Variants in TRIM5 observed in about 807,000 individuals in gnomAD.
TRIM5 encodes tripartite motif-containing protein 5.
A neutral mutation model predicts 35.6 loss-of-function variants in TRIM5; 31 were observed. That is an observed-to-expected ratio of 0.87 (90% CI 0.65 to 1.18). TRIM5 has a LOEUF of 1.18. Among genes scored for constraint, TRIM5 ranks in the 50% most tolerant of loss-of-function variants. The pLI is 0.00. For missense variants in TRIM5, 609 were observed against 591.6 expected (o/e 1.03, Z -0.31); for synonymous variants, 243 against 215.6 (o/e 1.13, Z -1.11).
the TRIM5 span, among the ~76,000 whole-genome samples, chr11:5,636,718 A>T: frequency 1.3e-5 from 2 of 152,214 alleles, no homozygotes; most frequent in African/African-American, 4.8e-5. Context: ...ATATTGGTAG[A>T]TCAAAAATTA....
chr11:5,605,126 A>T, the TRIM5 span: 1 of 636,104 alleles, frequency 1.6e-6, no homozygotes, highest in African/African-American at 1.8e-5. Context: ...GGCCTAGATA[A>T]AGCAGCCCGG....
At chr11:5,627,935 T>C in the TRIM5 span, among the ~76,000 whole-genome samples, 1 of 152,204 alleles carries the variant, frequency 6.6e-6, no homozygotes, top group Non-Finnish European at 1.5e-5. Flanking sequence ...ATCCAGATGT[T>C]AGGAGTCCAG....
chr11:5,645,883 A>G, the TRIM5 span: 3 of 156,032 alleles, frequency 1.9e-5, no homozygotes, highest in East Asian at 1.9e-4. Context: ...AAAAAAAAAT[A>G]TATATATATA....
At chr11:5,592,931 GAAAAAAGA>G in the TRIM5 span, among the ~76,000 whole-genome samples, 3 of 112,456 alleles carry the variant, frequency 2.7e-5, no homozygotes, top group Non-Finnish European at 5.2e-5. Context: ...AAAAAAAAAA[GAAAAAAGA>G]AAAAGAAAAA....
the TRIM5 span, among the ~76,000 whole-genome samples, chr11:5,641,985 G>A: frequency 6.6e-6 from 1 of 152,118 alleles, no homozygotes; most frequent in Non-Finnish European, 1.5e-5. Flanking sequence ...ATCACAGTCA[G>A]GATCTACAGC....
the TRIM5 span, chr11:5,611,295 C>A: frequency 1.2e-4 from 191 of 1,614,128 alleles, 3 homozygotes; most frequent in East Asian, 1.5e-3. Context: ...ATATTTTAAT[C>A]CTTGCAACTG....
chr11:5,657,694 T>C, the TRIM5 span, among the ~76,000 whole-genome samples: 1 of 130,374 alleles, frequency 7.7e-6, no homozygotes, highest in Non-Finnish European at 1.6e-5. Flanking sequence ...ATATTTATAA[T>C]ATAATATATA....
the TRIM5 span, among the ~76,000 whole-genome samples, chr11:5,630,998 G>A: frequency 1.9e-3 from 286 of 152,250 alleles, 3 homozygotes; most frequent in African/African-American, 6.3e-3. Context: ...GAACTTCATC[G>A]CTCCTAAATG....
At chr11:5,625,184 C>T in the TRIM5 span, 2 of 152,244 alleles carry the variant, frequency 1.3e-5, no homozygotes, top group African/African-American at 4.8e-5. Context: ...CAAAGGCTAG[C>T]TTGCAGGCTT....
the TRIM5 span, among the ~76,000 whole-genome samples, chr11:5,605,906 T>C: frequency 1.3e-5 from 2 of 152,220 alleles, no homozygotes; most frequent in Non-Finnish European, 2.9e-5. Context: ...CTTTGCTGCG[T>C]GGGGTTCTCC....
chr11:5,661,253 T>C (rs993811480), downstream of TRIM5, among the ~76,000 whole-genome samples: 1 of 151,854 alleles, frequency 6.6e-6, no homozygotes, highest in Admixed American at 6.6e-5. Context: ...AGAGATCTCT[T>C]TTCCAAAGAG....
At chr11:5,679,532 T>C (rs955135682) in intron 2 of TRIM5, among the ~76,000 whole-genome samples, 2 of 151,952 alleles carry the variant, frequency 1.3e-5, no homozygotes, top group African/African-American at 4.8e-5. Context: ...TAACCCAAGG[T>C]ACAAAATATT....
chr11:5,665,926 G>A, intron 6 of TRIM5, 55 bp downstream of exon 6: 1 of 1,514,516 alleles, frequency 6.6e-7, no homozygotes, highest in Middle Eastern at 1.8e-4. Flanking sequence ...TCCCTATTTA[G>A]CACCCTAACA....
chr11:5,632,692 C>A, the TRIM5 span: 5 of 1,611,988 alleles, frequency 3.1e-6, no homozygotes, highest in African/African-American at 4.0e-5. Flanking sequence ...GCTTTGTGAG[C>A]GGTCTCAGGA....
the TRIM5 span, among the ~76,000 whole-genome samples, chr11:5,647,589 C>G: frequency 6.6e-6 from 1 of 152,140 alleles, no homozygotes. Context: ...GTGGTGCAAT[C>G]TTGGCTCACT....
At chr11:5,673,380 A>T (rs905966090) in intron 4 of TRIM5, among the ~76,000 whole-genome samples, 2 of 152,154 alleles carry the variant, frequency 1.3e-5, no homozygotes, top group Non-Finnish European at 2.9e-5. Context: ...AAGAAGAAAT[A>T]ACAATATTAG....
At chr11:5,605,250 A>C in the TRIM5 span, 1 of 1,570,516 alleles carries the variant, frequency 6.4e-7, no homozygotes, top group Non-Finnish European at 8.7e-7. Flanking sequence ...CCAGGAAAGC[A>C]GTCCTGAGCC....
At position 5,663,324 on chromosome 11, in the gene TRIM5, C is replaced by T. The variant is rs2134007692; in HGVS notation, c.*1485G>A. The T allele has an allele frequency of 1.1e-6, 1 of 941,938 alleles. No homozygotes were observed. The highest frequency in any genetic ancestry group is 4.9e-5 in the South Asian group (1 of 20,328). The allele number at this position is 941,938 out of a possible 1,614,324, so 58.3% of individuals were successfully genotyped here. A position where few individuals can be genotyped will look rare whatever the true frequency, so the allele number is the denominator to read the frequency against. ...CATAATTCAGTTTGTTTGATAAAGA[C>T]TAATATGTAGCAACACTAGAATTAC... On this transcript the variant is annotated 3_prime_UTR_variant, in exon 8 of 8. Transcript: ENST00000380034.
chr11:5,656,255 C>T, the TRIM5 span, among the ~76,000 whole-genome samples: 1 of 152,020 alleles, frequency 6.6e-6, no homozygotes, highest in Non-Finnish European at 1.5e-5. Context: ...AATCTATCTA[C>T]CTGACAAAGG....
Sources: allele counts gnomAD v4.1 joint callset (sites outside exome capture counted in the v4.1 genomes callset), GRCh38; gene constraint gnomAD v4.1.1; transcripts MANE v1.5; gene names NCBI Gene and HGNC (gene_info 2026-07-23, HGNC 2026-07-21).